Variants in FMN2 observed in about 807,000 individuals in gnomAD.
FMN2 encodes the protein formin-2.
FMN2 carries 51 observed loss-of-function variants against 142.3 expected under a neutral mutation model. That is an observed-to-expected ratio of 0.36 (90% confidence interval 0.29 to 0.45). The LOEUF (loss-of-function observed/expected upper bound fraction) is 0.45. FMN2 is among the 20% of genes least tolerant of loss of function. FMN2 has a pLI of 1.00. For missense variants in FMN2, 1,936 were observed against 2,122.8 expected, an observed-to-expected ratio of 0.91 and a Z score of 1.73; for synonymous variants, 882 against 869.8, an observed-to-expected ratio of 1.01 and a Z score of -0.25.
chr1:240,092,464 C>T lies in FMN2; in HGVS notation c.355C>T (p.Pro119Ser). The change falls in exon 1 of 18, where the codon CCA becomes TCA. Residue 119 changes from proline (P) to serine (S), a missense_variant. Pro to Ser is a moderately conservative substitution (Grantham distance 74). Transcript: ENST00000319653. Reference protein sequence around the residue: ...DSAHSLLTKTPDLSLSADEAG... With the variant: ...DSAHSLLTKTSDLSLSADEAG... ...CGCTCACTCCCTGCTCACCAAGACT[C>T]CAGACCTCAGCCTCTCGGCGGACGA... The T allele has an allele frequency of 1.2e-6, 2 of 1,609,706 alleles. No homozygotes were observed. The highest frequency in any genetic ancestry group is 1.1e-5 in the South Asian group (1 of 90,486).
chr1:240,101,565 T>C (rs1661415044), intron 1 of FMN2, among the ~76,000 whole-genome samples: 1 of 151,872 alleles, frequency 6.6e-6, no homozygotes, highest in Non-Finnish European at 1.5e-5. Context: ...GACAGGGTCA[T>C]GCTCTGCCAC....
intron 2 of FMN2, among the ~76,000 whole-genome samples, chr1:240,136,372 T>A (rs1204203385): frequency 1.3e-5 from 2 of 152,172 alleles, no homozygotes; most frequent in African/African-American, 4.8e-5. Flanking sequence ...GTTTCATAGA[T>A]TTTAGAATGC....
At chr1:240,368,244 G>A (rs761533382) in intron 14 of FMN2, among the ~76,000 whole-genome samples, 1 of 152,158 alleles carries the variant, frequency 6.6e-6, no homozygotes, top group African/African-American at 2.4e-5. Context: ...TAAGAATTAA[G>A]TTGTTAAGTT....
intron 7 of FMN2, among the ~76,000 whole-genome samples, chr1:240,276,996 G>A (rs1669238017): frequency 6.6e-6 from 1 of 152,160 alleles, no homozygotes; most frequent in Non-Finnish European, 1.5e-5. Context: ...AAATCAGGCT[G>A]TGTGTTTGTG....
At chr1:240,317,296 G>A (rs1670819823) in intron 8 of FMN2, among the ~76,000 whole-genome samples, 2 of 125,484 alleles carry the variant, frequency 1.6e-5, no homozygotes, top group African/African-American at 5.9e-5. Flanking sequence ...AGCCTGGGGA[G>A]ACTCCATCTA....
intron 3 of FMN2, among the ~76,000 whole-genome samples, chr1:240,180,428 C>T (rs1437472228): frequency 6.6e-6 from 1 of 152,060 alleles, no homozygotes; most frequent in Non-Finnish European, 1.5e-5. Flanking sequence ...CCTTTGCCTA[C>T]AGTCTCATGT....
intron 2 of FMN2, among the ~76,000 whole-genome samples, chr1:240,157,459 G>T (rs1664069891): frequency 6.6e-6 from 1 of 152,098 alleles, no homozygotes; most frequent in South Asian, 2.1e-4. Flanking sequence ...GAAAGATTTT[G>T]TTTTCACTTT....
intron 2 of FMN2, among the ~76,000 whole-genome samples, chr1:240,155,196 C>T (rs1663970934): frequency 6.6e-6 from 1 of 152,062 alleles, no homozygotes; most frequent in Non-Finnish European, 1.5e-5. Context: ...GGCCACTAAT[C>T]TTTGCTTTCG....
intron 14 of FMN2, among the ~76,000 whole-genome samples, chr1:240,388,227 C>CAAAAAAAAAAAA (rs761610582): frequency 1.3e-3 from 8 of 6,050 alleles, no homozygotes; most frequent in African/African-American, 1.7e-3. Flanking sequence ...GTGCTCAAAG[C>CAAAAAAAAAAAA]AAAAAAAAAA....
chr1:240,142,539 A>T, intron 2 of FMN2: 1 of 768,536 alleles, frequency 1.3e-6, no homozygotes, highest in Non-Finnish European at 2.1e-6. Context: ...GAACAACCTT[A>T]TCTCACTCAG....
intron 2 of FMN2, among the ~76,000 whole-genome samples, chr1:240,138,692 G>A (rs1663055919): frequency 6.6e-6 from 1 of 151,678 alleles, no homozygotes; most frequent in African/African-American, 2.4e-5. Flanking sequence ...GGGCAACAGA[G>A]CGAGACTCTG....
intron 2 of FMN2, among the ~76,000 whole-genome samples, chr1:240,138,064 C>CAAAA (rs369637580): frequency 1.0e-5 from 1 of 95,580 alleles, no homozygotes; most frequent in Non-Finnish European, 2.2e-5. Context: ...GACTCCATCT[C>CAAAA]AAAAAAAAAA....
intron 2 of FMN2, among the ~76,000 whole-genome samples, chr1:240,164,469 CTGTT>C (rs1309199087): frequency 6.6e-6 from 1 of 152,078 alleles, no homozygotes; most frequent in East Asian, 1.9e-4. Context: ...CTTCAGGAAT[CTGTT>C]TGGGATTATT....
chr1:240,198,603 T>C (rs1666012696), intron 4 of FMN2, among the ~76,000 whole-genome samples: 1 of 152,196 alleles, frequency 6.6e-6, no homozygotes, highest in African/African-American at 2.4e-5. Context: ...TAAAAAGCCC[T>C]AGGCAAGTTA....
At chr1:240,399,423 A>C (rs143838950) in intron 15 of FMN2, among the ~76,000 whole-genome samples, 1 of 152,322 alleles carries the variant, frequency 6.6e-6, no homozygotes, top group East Asian at 1.9e-4. Context: ...TTGTCCAAGA[A>C]AATCTAAATC....
chr1:240,194,494 T>C (rs1391972897), intron 4 of FMN2, among the ~76,000 whole-genome samples: 4 of 152,096 alleles, frequency 2.6e-5, no homozygotes, highest in African/African-American at 9.7e-5. Flanking sequence ...AATAAAGGAA[T>C]AGGGAGAAGG....
rs544857189 is a variant in FMN2, at chr1:240,320,481, C to T, written c.4216-8595C>T. Among the ~76,000 whole-genome samples the T allele has an allele frequency of 2.2e-4, 34 of 152,270 alleles. 2 individuals are homozygous for T. The highest frequency in any genetic ancestry group is 2.6e-4 in the Admixed American group (4 of 15,288). The stretch of plus-strand genomic sequence containing the variant: ...AATGAGGAAAATTGTAGCTTCCTCA[C>T]ATATCTGAAAGAGATTTTGAAATGA... On this transcript the variant is annotated intron_variant, in intron 8 of 17. Transcript: ENST00000319653.
intron 13 of FMN2, among the ~76,000 whole-genome samples, chr1:240,338,987 C>T (rs978038592): frequency 4.6e-5 from 7 of 152,140 alleles, no homozygotes; most frequent in African/African-American, 9.7e-5. Flanking sequence ...CCTGCACATG[C>T]GCAGTTCACG....
intron 7 of FMN2, among the ~76,000 whole-genome samples, chr1:240,271,097 G>GTTTTTTTTTT (rs1668990424): frequency 2.2e-5 from 1 of 45,138 alleles, no homozygotes; most frequent in African/African-American, 1.3e-4. Flanking sequence ...TTTCCACGAT[G>GTTTTTTTTTT]GTTTTTTTTT....
Sources: allele counts gnomAD v4.1 joint callset (sites outside exome capture counted in the v4.1 genomes callset), GRCh38; gene constraint gnomAD v4.1.1; transcripts MANE v1.5; gene names NCBI Gene and HGNC (gene_info 2026-07-23, HGNC 2026-07-21).